Variants in CNTNAP4 observed in about 807,000 individuals in gnomAD.
The protein encoded by CNTNAP4 is contactin-associated protein-like 4.
In CNTNAP4, 98 loss-of-function variants were observed where a neutral mutation model predicts 148.4. The observed-to-expected ratio is 0.66, with a 90% CI of 0.56 to 0.78. The LOEUF (loss-of-function observed/expected upper bound fraction) is 0.78, where lower values mean the gene tolerates loss of function less well. Ranked by LOEUF, CNTNAP4 falls within the 30% of genes least tolerant of loss-of-function variation. The probability of loss-of-function intolerance (pLI) is 0.00; values close to 1 mark genes in which losing one functional copy is unlikely to be tolerated. For missense variants in CNTNAP4, 1,935 were observed against 1,565.6 expected, an observed-to-expected ratio of 1.24 and a Z score of -3.98; for synonymous variants, 730 against 565.1, an observed-to-expected ratio of 1.29 and a Z score of -4.14.
chr16:76,496,363 T>C (rs1218122327), intron 14 of CNTNAP4, among the ~76,000 whole-genome samples: 1 of 152,126 alleles, frequency 6.6e-6, no homozygotes, highest in African/African-American at 2.4e-5. Flanking sequence ...CTCCATAACA[T>C]ATTGCTAATT....
chr16:76,411,649 T>C (rs1226056462), intron 3 of CNTNAP4, among the ~76,000 whole-genome samples: 1 of 151,364 alleles, frequency 6.6e-6, no homozygotes, highest in East Asian at 1.9e-4. Flanking sequence ...AAGTGAAAAA[T>C]AGAATTTTAA....
Position 76,521,142 on chromosome 16 carries a change from TC to T in CNTNAP4, c.2369del (p.Ser790TyrfsTer42). On this transcript the variant is annotated frameshift_variant, in exon 16 of 24. Coordinates refer to ENST00000611870, the MANE Select transcript of CNTNAP4 (RefSeq NM_033401.5). LOFTEE classifies it high-confidence loss of function. Reference protein sequence around the residue: ...LGPLLCQGDRSFWNSASFDTE... With the variant: ...LGPLLCQGDRXFWNSASFDTE... ...TCTTTTTTTTTTTCACAAAACAGGA[TC>T]ATTTTGGAATTCAGCTTCCTTTGAT... 1 of 1,569,196 alleles carries T rather than the reference TC, an allele frequency of 6.4e-7. No individual in the cohort carries two copies. The highest frequency in any genetic ancestry group is 8.6e-7 in the Non-Finnish European group (1 of 1,165,784).
At chr16:76,339,401 A>T (rs1476590569) in intron 2 of CNTNAP4, among the ~76,000 whole-genome samples, 4 of 152,104 alleles carry the variant, frequency 2.6e-5, no homozygotes, top group Non-Finnish European at 4.4e-5. Context: ...TAAACACTTA[A>T]TCTAAACACC....
At position 76,277,694 on chromosome 16, in the gene CNTNAP4, C is replaced by T. The variant is rs754607705; in HGVS notation, c.32C>T (p.Thr11Met). 1.2e-6 allele frequency: 2 copies of T among 1,605,830 alleles called. No homozygotes were observed. The highest frequency in any genetic ancestry group is 1.3e-5 in the African/African-American group (1 of 74,818). The change falls in exon 1 of 24, where the codon ACG becomes ATG. Residue 11 changes from threonine (T) to methionine (M), a missense_variant. By Grantham distance (81) the Thr-to-Met change is moderately conservative. Coordinates refer to ENST00000611870, the MANE Select transcript of CNTNAP4 (RefSeq NM_033401.5). MGSVTGAVLK[T>M]LLLLSTQNWN... ...TCTGTCACGGGAGCTGTCCTCAAGA[C>T]GCTACTTCTGTTATCTACTCAAAAT...
At chr16:76,381,325 A>C (rs1477227892) in intron 3 of CNTNAP4, among the ~76,000 whole-genome samples, 1 of 152,192 alleles carries the variant, frequency 6.6e-6, no homozygotes, top group African/African-American at 2.4e-5. Flanking sequence ...ACCATCACAC[A>C]GTAGCCTCCC....
At chr16:76,414,164 T>C (rs1345979883) in intron 3 of CNTNAP4, among the ~76,000 whole-genome samples, 3 of 151,400 alleles carry the variant, frequency 2.0e-5, no homozygotes, top group African/African-American at 7.3e-5. Context: ...TTTCCTATAA[T>C]GTATGATACT....
chr16:76,521,994 G>C (rs759149347), intron 16 of CNTNAP4, 45 bp from the exon 17 acceptor site: 1 of 1,568,328 alleles, frequency 6.4e-7, no homozygotes, highest in Non-Finnish European at 8.8e-7. Context: ...TCGGCACTTC[G>C]CCATAGGAAC....
intron 13 of CNTNAP4, among the ~76,000 whole-genome samples, chr16:76,494,550 C>T (rs998219702): frequency 6.6e-6 from 1 of 152,034 alleles, no homozygotes; most frequent in African/African-American, 2.4e-5. Flanking sequence ...ATGTTAATTA[C>T]TATGATTTAT....
chr16:76,436,175 C>T (rs28791915), intron 4 of CNTNAP4, among the ~76,000 whole-genome samples: 4 of 151,980 alleles, frequency 2.6e-5, no homozygotes, highest in Admixed American at 1.3e-4. Flanking sequence ...TCTCAGGCAG[C>T]GCAGGGTTTA....
rs1031391224 is a variant in CNTNAP4, at chr16:76,397,567, A to G, written c.391-29885A>G. Among the ~76,000 whole-genome samples the G allele has an allele frequency of 1.3e-5, 2 of 152,160 alleles. 1 individual carries two copies. The stretch of plus-strand genomic sequence containing the variant: ...TTATGCATTTCTAGGAACAGAATAT[A>G]TAGCAACTGTTACATACCTAATGGT... On this transcript the variant is annotated intron_variant, in intron 3 of 23. Transcript: ENST00000611870.
chr16:76,489,858 G>A lies in CNTNAP4; in HGVS notation c.2055G>A (p.Lys685=), dbSNP rs34800436. 1,170 of 1,572,862 alleles carry A rather than the reference G, an allele frequency of 7.4e-4. 6 individuals are homozygous for A. The African/African-American group carries it at 0.014, about 19-fold the overall frequency. The change falls in exon 13 of 24, where the codon AAG becomes AAA. Residue 685 remains lysine (K), a synonymous_variant. Transcript: ENST00000611870. ...AACAGGAGTTTACTTATTACTGCAA[G>A]AAGTCACGGCTGGTCAATAAGCAAG... The part of the protein sequence containing the change: ...HCEQEFTYYC[K]KSRLVNKQDG...
intron 2 of CNTNAP4, among the ~76,000 whole-genome samples, chr16:76,355,077 C>A (rs984360984): frequency 1.3e-5 from 2 of 152,074 alleles, no homozygotes; most frequent in African/African-American, 4.8e-5. Flanking sequence ...CAGCAAGACC[C>A]CTAGTTCTCC....
chr16:76,411,932 C>G (rs894759014), intron 3 of CNTNAP4, among the ~76,000 whole-genome samples: 9 of 151,334 alleles, frequency 5.9e-5, no homozygotes, highest in Non-Finnish European at 1.0e-4. Flanking sequence ...ATTATTGTAA[C>G]TTTCATGCCC....
chr16:76,544,465 C>G (rs2084614575), intron 21 of CNTNAP4, among the ~76,000 whole-genome samples: 1 of 152,126 alleles, frequency 6.6e-6, no homozygotes, highest in Non-Finnish European at 1.5e-5. Flanking sequence ...AAACTGTACT[C>G]TGATGACATG....
chr16:76,476,185 C>G, intron 11 of CNTNAP4, 140 bp downstream of exon 11: 1 of 569,536 alleles, frequency 1.8e-6, no homozygotes, highest in Non-Finnish European at 3.1e-6. Context: ...TTCATAAAGT[C>G]GTCAAGATAG....
intron 3 of CNTNAP4, among the ~76,000 whole-genome samples, chr16:76,362,888 G>C (rs966262823): frequency 2.0e-5 from 3 of 152,038 alleles, no homozygotes; most frequent in African/African-American, 7.2e-5. Flanking sequence ...GCACATGTAT[G>C]CCTGAACCTA....
chr16:76,409,600 ACT>A (rs1712871985), intron 3 of CNTNAP4, among the ~76,000 whole-genome samples: 1 of 151,956 alleles, frequency 6.6e-6, no homozygotes, highest in Non-Finnish European at 1.5e-5. Flanking sequence ...AGAAAATAAA[ACT>A]CTACAGTAAA....
chr16:76,534,764 A>T (rs1328340626), intron 17 of CNTNAP4, among the ~76,000 whole-genome samples: 1 of 152,154 alleles, frequency 6.6e-6, no homozygotes, highest in East Asian at 1.9e-4. Context: ...CCGTGTGATT[A>T]TGTGTTACCC....
chr16:76,465,796 T>C (rs1332567846), intron 9 of CNTNAP4, among the ~76,000 whole-genome samples: 2 of 152,224 alleles, frequency 1.3e-5, no homozygotes, highest in Non-Finnish European at 2.9e-5. Context: ...TGAATTTTTC[T>C]TGATATATTA....
Sources: allele counts gnomAD v4.1 joint callset (sites outside exome capture counted in the v4.1 genomes callset), GRCh38; gene constraint gnomAD v4.1.1; transcripts MANE v1.5; gene names NCBI Gene and HGNC (gene_info 2026-07-23, HGNC 2026-07-21).